The following MARCHF8 variants were observed in gnomAD, a reference collection of about 807,000 sequenced individuals.
MARCHF8 encodes membrane associated ring-CH-type finger 8.
Under a neutral mutation model 51.6 loss-of-function variants are expected in MARCHF8, and 40 were observed. The ratio of observed to expected loss-of-function variants is 0.77; its 90% CI spans 0.60 to 1.01. The LOEUF is 1.01. Among genes scored for constraint, MARCHF8 ranks in the 50% least tolerant of loss-of-function variants. MARCHF8 has a pLI of 0.00. For synonymous variants in MARCHF8, 263 were observed against 280.3 expected (o/e 0.94, Z 0.62); for missense variants, 685 against 708.6 (o/e 0.97, Z 0.38).
At chr10:45,511,387 C>T (rs1332198959) in intron 2 of MARCHF8, among the ~76,000 whole-genome samples, 1 of 152,222 alleles carries the variant, frequency 6.6e-6, no homozygotes, top group East Asian at 1.9e-4. Context: ...CCCTCTCCCT[C>T]TCCCTCTCCC....
chr10:45,515,245 A>G (rs1452883529), intron 2 of MARCHF8, among the ~76,000 whole-genome samples: 1 of 152,206 alleles, frequency 6.6e-6, no homozygotes, highest in Admixed American at 6.5e-5. Flanking sequence ...CAATAATGGT[A>G]TCATCTCAAC....
upstream of MARCHF8, among the ~76,000 whole-genome samples, chr10:45,538,503 T>A (rs1369025299): frequency 3.9e-5 from 6 of 152,158 alleles, no homozygotes; most frequent in African/African-American, 1.4e-4. Flanking sequence ...AATGCTCCAA[T>A]TAAAAGACAC....
intron 1 of MARCHF8, among the ~76,000 whole-genome samples, chr10:45,560,348 C>T (rs1245426913): frequency 6.6e-6 from 1 of 152,042 alleles, no homozygotes; most frequent in Non-Finnish European, 1.5e-5. Flanking sequence ...TATCTGGTGC[C>T]TGAAAGCTTA....
At chr10:45,558,272 G>A (rs1411697281) in intron 1 of MARCHF8, among the ~76,000 whole-genome samples, 3 of 152,170 alleles carry the variant, frequency 2.0e-5, no homozygotes, top group Admixed American at 2.0e-4. Context: ...CCAGGGGGCA[G>A]GGATCTTGGG....
intron 3 of MARCHF8, among the ~76,000 whole-genome samples, chr10:45,467,402 C>G (rs916748229): frequency 7.2e-4 from 110 of 152,306 alleles, no homozygotes; most frequent in African/African-American, 2.4e-3. Flanking sequence ...AGAAGAGGCT[C>G]CTTCTGTCAC....
chr10:45,534,765 C>T (rs551559308), intron 1 of MARCHF8, among the ~76,000 whole-genome samples: 1 of 152,086 alleles, frequency 6.6e-6, no homozygotes, highest in Non-Finnish European at 1.5e-5. Flanking sequence ...CCCAAGGTCA[C>T]ATTTGATAAG....
At chr10:45,554,710 G>A (rs1166183264) in intron 1 of MARCHF8, among the ~76,000 whole-genome samples, 13 of 152,214 alleles carry the variant, frequency 8.5e-5, no homozygotes, top group East Asian at 5.8e-4. Context: ...ACCGGAGGTC[G>A]GGAATTCGAG....
chr10:45,475,241 G>GTGCA (rs1245542446), intron 3 of MARCHF8, among the ~76,000 whole-genome samples: 2 of 152,204 alleles, frequency 1.3e-5, no homozygotes, highest in Non-Finnish European at 2.9e-5. Flanking sequence ...TGAGCAAAGT[G>GTGCA]TGCACTCCCT....
At chr10:45,498,240 T>C (rs926825864) in intron 2 of MARCHF8, among the ~76,000 whole-genome samples, 5 of 152,252 alleles carry the variant, frequency 3.3e-5, no homozygotes, top group Non-Finnish European at 5.9e-5. Context: ...ATTCACATTG[T>C]TGCACAATCT....
At chr10:45,514,577 C>T (rs762893143) in intron 2 of MARCHF8, among the ~76,000 whole-genome samples, 7 of 152,232 alleles carry the variant, frequency 4.6e-5, no homozygotes, top group African/African-American at 9.6e-5. Flanking sequence ...TTTCAAGGAA[C>T]GAGGCAGTGA....
chr10:45,505,516 C>T (rs1208101400), intron 2 of MARCHF8, among the ~76,000 whole-genome samples: 1 of 152,160 alleles, frequency 6.6e-6, no homozygotes, highest in Non-Finnish European at 1.5e-5. Flanking sequence ...ACTGTTTAAG[C>T]CAGAAAACTT....
chr10:45,541,482 A>G (rs1448157063), intron 1 of MARCHF8, among the ~76,000 whole-genome samples: 1 of 152,218 alleles, frequency 6.6e-6, no homozygotes, highest in Non-Finnish European at 1.5e-5. Context: ...TGAAGAGTTA[A>G]TGGGTGCAGC....
At chr10:45,519,356 C>T (rs879905435) in intron 2 of MARCHF8, among the ~76,000 whole-genome samples, 2 of 152,184 alleles carry the variant, frequency 1.3e-5, no homozygotes, top group Non-Finnish European at 2.9e-5. Context: ...CCTCCCACTA[C>T]CACCCATCCA....
At chr10:45,558,295 A>G (rs1218501515) in intron 1 of MARCHF8, among the ~76,000 whole-genome samples, 1 of 152,212 alleles carries the variant, frequency 6.6e-6, no homozygotes, top group Non-Finnish European at 1.5e-5. Context: ...ACGGACATTC[A>G]TTCTACAGCA....
chr10:45,541,651 T>C (rs984146380), intron 1 of MARCHF8, among the ~76,000 whole-genome samples: 1 of 151,766 alleles, frequency 6.6e-6, no homozygotes, highest in Non-Finnish European at 1.5e-5. Context: ...AAAGAAAATG[T>C]AATAATTTGG....
chr10:45,563,082 A>T (rs1452137853), intron 1 of MARCHF8, among the ~76,000 whole-genome samples: 1 of 151,742 alleles, frequency 6.6e-6, no homozygotes, highest in Non-Finnish European at 1.5e-5. Context: ...GCTGGAGTGC[A>T]GTGGCACCAT....
At chr10:45,469,570 T>C (rs1843088313) in intron 3 of MARCHF8, among the ~76,000 whole-genome samples, 1 of 152,106 alleles carries the variant, frequency 6.6e-6, no homozygotes, top group African/African-American at 2.4e-5. Flanking sequence ...GGTTTCAATA[T>C]AAAAGCTACT....
chr10:45,478,351 G>A (rs72796497), intron 3 of MARCHF8, among the ~76,000 whole-genome samples: 1,564 of 152,128 alleles, frequency 0.01, 18 homozygotes, highest in Non-Finnish European at 0.018. Flanking sequence ...AATAAAAATC[G>A]AAATACAACA....
chr10:45,557,862 A>C (rs1431121812), intron 1 of MARCHF8, among the ~76,000 whole-genome samples: 1 of 152,212 alleles, frequency 6.6e-6, no homozygotes, highest in Non-Finnish European at 1.5e-5. Context: ...CAGGTGCCTT[A>C]GGTCAGGTAC....
Sources: allele counts gnomAD v4.1 joint callset (sites outside exome capture counted in the v4.1 genomes callset), GRCh38; gene constraint gnomAD v4.1.1; transcripts MANE v1.5; gene names NCBI Gene and HGNC (gene_info 2026-07-23, HGNC 2026-07-21).